Variants in ELN observed in about 807,000 individuals in gnomAD.
ELN encodes the protein elastin.
Under a neutral mutation model 105.8 loss-of-function variants are expected in ELN, and 65 were observed. The ratio of observed to expected loss-of-function variants is 0.61; its 90% CI spans 0.50 to 0.75. ELN has a LOEUF of 0.75. Among genes scored for constraint, ELN ranks in the 30% least tolerant of loss-of-function variants. The pLI, the probability that ELN is intolerant of heterozygous loss-of-function variation, is 0.00. For missense variants in ELN, 882 were observed against 969.4 expected, an observed-to-expected ratio of 0.91 and a Z score of 1.20; for synonymous variants, 368 against 389.2, an observed-to-expected ratio of 0.95 and a Z score of 0.64.
chr7:74,043,309 C>T (rs782180515), intron 8 of ELN, 141 bp downstream of exon 8: 7 of 1,268,398 alleles, frequency 5.5e-6, no homozygotes, highest in Non-Finnish European at 7.7e-6. Flanking sequence ...ACTAGCCAGG[C>T]TGGTGCCTGC....
In ELN at chr7:74,046,767, G is replaced by A. The variant is rs782372538; in HGVS notation, c.643G>A (p.Gly215Ser). The change falls in exon 12 of 33, where the codon GGT (glycine) becomes AGT (serine). Residue 215 changes from glycine (G) to serine (S), a missense_variant and splice_region_variant. Coordinates refer to ENST00000252034, the MANE Select transcript of ELN (RefSeq NM_000501.4). The part of the protein sequence containing the change: ...GYPIKAPKLP[G>S]GYGLPYTTGK... Reference sequence around the variant, plus strand: ...TCCCATCAAGGCCCCCAAGCTGCCTGGTAAGTCAGAGGGACGGTTCAAGAT... The same window carrying A: ...TCCCATCAAGGCCCCCAAGCTGCCTAGTAAGTCAGAGGGACGGTTCAAGAT... The A allele has an allele frequency of 4.3e-6, 7 of 1,614,080 alleles. No individual in the cohort carries two copies. The East Asian group carries it at 1.3e-4, about 31-fold the overall frequency.
chr7:74,056,825 A>C, intron 21 of ELN, 112 bp downstream of exon 21: 4 of 1,374,274 alleles, frequency 2.9e-6, no homozygotes, highest in Non-Finnish European at 4.1e-6. Context: ...GCCTGGACCA[A>C]GGTCACGAGG....
chr7:74,031,935 G>A (rs1172451031), intron 1 of ELN, among the ~76,000 whole-genome samples: 1 of 151,168 alleles, frequency 6.6e-6, no homozygotes, highest in East Asian at 2.0e-4. Context: ...GGACCTGTCT[G>A]TGGATGAGGG....
rs766250722 is a variant in ELN, at chr7:74,069,272, C to T, written c.*572C>T. ...CGATCGCTGTTCCCCACATCTGGGG[C>T]GCTTTTGGGTTGGAAAACCACCCCA... On this transcript the variant is annotated 3_prime_UTR_variant, in exon 33 of 33. Coordinates refer to ENST00000252034, the MANE Select transcript of ELN (RefSeq NM_000501.4). 8.4e-6 allele frequency: 2 copies of T among 238,206 alleles called. No individual in the cohort carries two copies. The highest frequency in any genetic ancestry group is 1.7e-5 in the Non-Finnish European group (2 of 120,512). The allele number at this position is 238,206 out of a possible 1,614,324, so 14.8% of individuals were successfully genotyped here.
intron 1 of ELN, among the ~76,000 whole-genome samples, chr7:74,030,832 C>A (rs1788498965): frequency 6.6e-6 from 1 of 152,198 alleles, no homozygotes; most frequent in African/African-American, 2.4e-5. Context: ...ACTTTTCAGG[C>A]TTCCCAGGTG....
At position 74,051,994 on chromosome 7, in the gene ELN, C is replaced by T; in HGVS notation, c.949+11C>T. 1.2e-6 allele frequency: 2 copies of T among 1,612,650 alleles called. No homozygotes were observed. Among genetic ancestry groups the T allele is most frequent in the South Asian group, 1.1e-5 (1 of 90,906 alleles). On this transcript the variant is annotated intron_variant, in intron 17 of 32. Transcript: ENST00000252034. ...AGGCAGCCAAGTATGGTGAGTGCCTCCCGGGGTGGCAAGTCCACGGCTCGG... is the reference window on the plus strand; with the variant it reads ...AGGCAGCCAAGTATGGTGAGTGCCTTCCGGGGTGGCAAGTCCACGGCTCGG...
Position 74,054,589 on chromosome 7 carries a change from T to A in ELN, c.1097-127T>A. 4 of 945,856 alleles carry A rather than the reference T, an allele frequency of 4.2e-6. No individual in the cohort carries two copies. In the Admixed American group the frequency reaches 7.4e-5, roughly 18 times the overall value. 58.6% of individuals were successfully genotyped at this position (945,856 alleles called of 1,614,324 possible). A position where few individuals can be genotyped will look rare whatever the true frequency, so the allele number is the denominator to read the frequency against. On this transcript the variant is annotated intron_variant, in intron 18 of 32. Transcript: ENST00000252034. ...GTGGACATCAGTGCATAAATGGATG[T>A]GTAGCCAACTCTATGTTGGCATGAA...
chr7:74,055,554 A>G (rs1242350896), intron 19 of ELN, among the ~76,000 whole-genome samples: 2 of 151,686 alleles, frequency 1.3e-5, no homozygotes, highest in East Asian at 1.9e-4. Context: ...ATTTTGGCTC[A>G]CTGCAATCTC....
chr7:74,039,945 G>A (rs900677183), intron 4 of ELN, among the ~76,000 whole-genome samples: 1 of 152,214 alleles, frequency 6.6e-6, no homozygotes, highest in South Asian at 2.1e-4. Context: ...AGCTGGCCAG[G>A]TCCCTGGACT....
intron 8 of ELN, chr7:74,043,528 C>T (rs1476923794): frequency 1.2e-5 from 8 of 674,782 alleles, no homozygotes; most frequent in Admixed American, 8.3e-5. Context: ...ATCTGGTACT[C>T]GTTCTGCCCC....
intron 32 of ELN, among the ~76,000 whole-genome samples, chr7:74,067,509 G>A (rs1203509288): frequency 1.3e-4 from 20 of 151,484 alleles, no homozygotes; most frequent in South Asian, 2.1e-4. Context: ...CTCGTGATCC[G>A]CCCGCCTCGG....
At chr7:74,037,906 G>T (rs1434017364) in intron 4 of ELN, 167 bp downstream of exon 4, 2 of 1,007,106 alleles carry the variant, frequency 2.0e-6, no homozygotes, top group East Asian at 2.7e-5. Context: ...GGATGAGTAG[G>T]CCGGGGCCAG....
chr7:74,064,423 A>AAAATATAT (rs1554687738), intron 29 of ELN, among the ~76,000 whole-genome samples: 20 of 133,144 alleles, frequency 1.5e-4, no homozygotes, highest in Non-Finnish European at 2.5e-4. Flanking sequence ...TCAAAAAAAA[A>AAAATATAT]ATATATATAT....
At position 74,048,125 on chromosome 7, in the gene ELN, G is replaced by GCCT; in HGVS notation, c.686-15_686-13dup. 6.2e-7 allele frequency: 1 copy of GCCT among 1,614,054 alleles called. No individual in the cohort carries two copies. Among genetic ancestry groups the GCCT allele is most frequent in the East Asian group, 2.2e-5 (1 of 44,890 alleles). On this transcript the variant is annotated splice_polypyrimidine_tract_variant and intron_variant, in intron 13 of 32. Coordinates refer to ENST00000252034, the MANE Select transcript of ELN (RefSeq NM_000501.4). ...TGATGTCTGCACAGATGACCATCAA[G>GCCT]CCTCTCTGTTTTGCAGGCTATGGGC...
rs1012596558 is a variant in ELN, at chr7:74,066,084, G to A, written c.2086+87G>A. The A allele has an allele frequency of 5.5e-5, 87 of 1,585,642 alleles. No homozygotes were observed. In the African/African-American group the frequency reaches 9.4e-4, roughly 17 times the overall value. On this transcript the variant is annotated intron_variant, in intron 31 of 32. Coordinates refer to ENST00000252034, the MANE Select transcript of ELN (RefSeq NM_000501.4). Reference sequence around the variant, plus strand: ...CCATCTAGCAGTGGGGACTCCCAGAGCCCATGTCCACACAAGGACAGGAGA... The same window carrying A: ...CCATCTAGCAGTGGGGACTCCCAGAACCCATGTCCACACAAGGACAGGAGA...
At chr7:74,050,521 C>T (rs1554675433) in intron 15 of ELN, among the ~76,000 whole-genome samples, 1 of 151,732 alleles carries the variant, frequency 6.6e-6, no homozygotes, top group Non-Finnish European at 1.5e-5. Flanking sequence ...CTCCATGCAC[C>T]CATCCATCCA....
Position 74,069,634 on chromosome 7 carries a change from G to A in ELN, c.*934G>A, listed in dbSNP as rs1798658157. The A allele has an allele frequency of 4.3e-6, 1 of 233,286 alleles. No individual in the cohort carries two copies. Among genetic ancestry groups the A allele is most frequent in the African/African-American group, 2.2e-5 (1 of 45,250 alleles). 14.5% of individuals were successfully genotyped at this position (233,286 alleles called of 1,614,324 possible). On this transcript the variant is annotated 3_prime_UTR_variant, in exon 33 of 33. Transcript: ENST00000252034. The stretch of plus-strand genomic sequence containing the variant: ...ATTCCTGCCCCGCCCATCTTTTTGT[G>A]TCTCGCTGTGATAGATCAATAAATA...
chr7:74,047,695 A>G lies in ELN; in HGVS notation c.664A>G (p.Thr222Ala). 6.2e-7 allele frequency: 1 copy of G among 1,614,130 alleles called. No individual in the cohort carries two copies. The highest frequency in any genetic ancestry group is 8.5e-7 in the Non-Finnish European group (1 of 1,179,998). Residue 222 changes from threonine (T) to alanine (A), a missense_variant, in exon 13 of 33, where the codon ACC becomes GCC. Transcript: ENST00000252034. ...TCCAGGTGGCTATGGACTGCCCTAC[A>G]CCACAGGGAAACTGCCCTATGGTGA... ...KLPGGYGLPY[T>A]TGKLPYGYGP...
At position 74,065,932 on chromosome 7, in the gene ELN, G is replaced by C. The variant is rs1554688844; in HGVS notation, c.2033-12G>C. 6.2e-7 allele frequency: 1 copy of C among 1,614,188 alleles called. No individual in the cohort carries two copies. Among genetic ancestry groups the C allele is most frequent in the Non-Finnish European group, 8.5e-7 (1 of 1,180,030 alleles). ...GGGGTGTCTTATCCTGACCCCACCT[G>C]CCTCTTCTCAGGTGCTGCTGGCCTT... On this transcript the variant is annotated splice_polypyrimidine_tract_variant and intron_variant, in intron 30 of 32. Transcript: ENST00000252034.
Sources: gnomAD v4.1 joint callset for allele counts (sites outside exome capture counted in the v4.1 genomes callset) on GRCh38, gnomAD v4.1.1 for gene constraint, MANE v1.5 for transcripts, NCBI Gene and HGNC (gene_info 2026-07-23, HGNC 2026-07-21) for gene names.